The following ADAMTSL1 variants were observed in gnomAD, a reference collection of about 807,000 sequenced individuals.
ADAMTSL1 encodes ADAMTS like 1, also known as ADAMTS-like protein 1.
ADAMTSL1 carries 126 observed loss-of-function variants against 201.8 expected under a neutral mutation model. The ratio of observed to expected loss-of-function variants is 0.62; its 90% CI spans 0.54 to 0.72. The LOEUF (loss-of-function observed/expected upper bound fraction) is 0.72. Among genes scored for constraint, ADAMTSL1 ranks in the 30% least tolerant of loss-of-function variants. ADAMTSL1 has a pLI of 0.00. For synonymous variants in ADAMTSL1, 1,121 were observed against 903.4 expected (o/e 1.24, Z -4.32); for missense variants, 2,679 against 2,277.8 (o/e 1.18, Z -3.59).
intron 1 of ADAMTSL1, among the ~76,000 whole-genome samples, chr9:17,976,007 T>G (rs1051972076): frequency 2.0e-5 from 3 of 152,130 alleles, no homozygotes; most frequent in Non-Finnish European, 4.4e-5. Context: ...TCTTGGCAAC[T>G]TTGTTGAAGA....
At chr9:18,290,960 T>A (rs1208826134) in intron 2 of ADAMTSL1, among the ~76,000 whole-genome samples, 1 of 152,036 alleles carries the variant, frequency 6.6e-6, no homozygotes, top group Non-Finnish European at 1.5e-5. Flanking sequence ...TTTTTGTATA[T>A]TTAGTAGAGT....
At chr9:18,199,816 A>C (rs567523285) in intron 2 of ADAMTSL1, among the ~76,000 whole-genome samples, 2 of 152,272 alleles carry the variant, frequency 1.3e-5, no homozygotes, top group African/African-American at 2.4e-5. Context: ...TGTGTGTGCT[A>C]AGTAAGGATC....
chr9:18,647,931 C>T (rs1182286426), intron 7 of ADAMTSL1, among the ~76,000 whole-genome samples: 1 of 149,964 alleles, frequency 6.7e-6, no homozygotes, highest in African/African-American at 2.4e-5. Flanking sequence ...AGTTCAATTC[C>T]TGGGTATCCT....
Position 18,279,012 on chromosome 9 carries a change from T to C in ADAMTSL1, c.207+115031T>C, listed in dbSNP as rs558175427. 2.6e-5 allele frequency among the ~76,000 whole-genome samples: 4 copies of C among 152,282 alleles called. No homozygotes were observed. The East Asian group carries it at 7.7e-4, about 29-fold the overall frequency. ...TGTTATGTAGTGCTAGAATTTTTGTTTGGTTCTTTTTATGATTTCTCCCTC... is the reference window on the plus strand; with the variant it reads ...TGTTATGTAGTGCTAGAATTTTTGTCTGGTTCTTTTTATGATTTCTCCCTC... On this transcript the variant is annotated intron_variant, in intron 2 of 29. Coordinates refer to the ADAMTSL1 transcript ENST00000680146.
chr9:18,169,513 G>A (rs1563781518), intron 2 of ADAMTSL1, among the ~76,000 whole-genome samples: 1 of 152,146 alleles, frequency 6.6e-6, no homozygotes, highest in Non-Finnish European at 1.5e-5. Context: ...GTACCATGCT[G>A]TTTTGGTTAC....
chr9:18,511,316 T>A (rs1385455103), intron 2 of ADAMTSL1, among the ~76,000 whole-genome samples: 1 of 151,628 alleles, frequency 6.6e-6, no homozygotes, highest in African/African-American at 2.4e-5. Context: ...ACAAATATTA[T>A]GTTAAATCTT....
chr9:17,911,073 G>A lies in ADAMTSL1; in HGVS notation c.87+4151G>A, dbSNP rs904650722. Among the ~76,000 whole-genome samples, 65 of 68,500 alleles carry A rather than the reference G, an allele frequency of 9.5e-4. 27 individuals are homozygous for A. The highest frequency in any genetic ancestry group is 2.3e-3 in the Admixed American group (13 of 5,698). 44.9% of individuals were successfully genotyped at this position (68,500 alleles called of 152,430 possible). On this transcript the variant is annotated intron_variant, in intron 1 of 29. Coordinates refer to the ADAMTSL1 transcript ENST00000680146. ...AGCTATATTCTCCAAATAGTCCAAA[G>A]AACAATTTTAATGCCAATAAAAATT... is the stretch of plus-strand genomic sequence containing the variant.
At chr9:18,830,257 A>C (rs1824891854) in intron 23 of ADAMTSL1, among the ~76,000 whole-genome samples, 1 of 152,286 alleles carries the variant, frequency 6.6e-6, no homozygotes, top group Admixed American at 6.5e-5. Context: ...CCTCTCAATC[A>C]GATTGACTCT....
intron 1 of ADAMTSL1, among the ~76,000 whole-genome samples, chr9:18,088,358 A>G (rs1221893065): frequency 6.6e-6 from 1 of 152,220 alleles, no homozygotes; most frequent in East Asian, 1.9e-4. Flanking sequence ...TGGATAAGAT[A>G]CTAAATGCAC....
chr9:18,894,449 T>A (rs1588330957), intron 26 of ADAMTSL1, among the ~76,000 whole-genome samples: 1 of 149,542 alleles, frequency 6.7e-6, no homozygotes, highest in African/African-American at 2.5e-5. Context: ...TGAGCAATTA[T>A]GGTGATGAGA....
At chr9:18,414,130 G>A (rs1262770788) in intron 2 of ADAMTSL1, among the ~76,000 whole-genome samples, 3 of 152,078 alleles carry the variant, frequency 2.0e-5, no homozygotes, top group Non-Finnish European at 2.9e-5. Context: ...GTGTAATAAC[G>A]TCTCTAAGGC....
intron 2 of ADAMTSL1, among the ~76,000 whole-genome samples, chr9:18,256,062 G>A (rs1211855145): frequency 1.3e-5 from 2 of 152,192 alleles, no homozygotes; most frequent in African/African-American, 4.8e-5. Flanking sequence ...CAACCGAAAA[G>A]CATAATTTCT....
chr9:18,151,828 T>A (rs1433003798), intron 1 of ADAMTSL1, among the ~76,000 whole-genome samples: 1 of 151,924 alleles, frequency 6.6e-6, no homozygotes, highest in Non-Finnish European at 1.5e-5. Context: ...AAAAATGAGG[T>A]GCCAGGAGTT....
chr9:18,586,824 T>C (rs1823523201), intron 4 of ADAMTSL1, among the ~76,000 whole-genome samples: 1 of 152,048 alleles, frequency 6.6e-6, no homozygotes, highest in South Asian at 2.1e-4. Context: ...TTGACAAAGA[T>C]GACAAACACA....
chr9:18,270,891 A>G (rs1563848445), intron 2 of ADAMTSL1, among the ~76,000 whole-genome samples: 1 of 152,156 alleles, frequency 6.6e-6, no homozygotes, highest in Non-Finnish European at 1.5e-5. Flanking sequence ...CATCTTTTGC[A>G]TAGTCTCTTT....
chr9:17,967,206 G>A (rs1373743894), intron 1 of ADAMTSL1, among the ~76,000 whole-genome samples: 1 of 152,096 alleles, frequency 6.6e-6, no homozygotes, highest in African/African-American at 2.4e-5. Flanking sequence ...TTCATTCTTA[G>A]AGTTGGAATG....
intron 2 of ADAMTSL1, among the ~76,000 whole-genome samples, chr9:18,352,699 C>T: frequency 6.6e-6 from 1 of 152,266 alleles, no homozygotes; most frequent in Non-Finnish European, 1.5e-5. Flanking sequence ...TTATTCCCTA[C>T]AGAAAACCAT....
At chr9:18,492,057 T>C (rs1822295446) in intron 1 of ADAMTSL1, among the ~76,000 whole-genome samples, 4 of 152,200 alleles carry the variant, frequency 2.6e-5, no homozygotes, top group Admixed American at 2.6e-4. Context: ...AAGACAATAG[T>C]AACTGACTCT....
At chr9:18,835,926 T>C (rs1825284515) in intron 23 of ADAMTSL1, among the ~76,000 whole-genome samples, 2 of 152,218 alleles carry the variant, frequency 1.3e-5, no homozygotes, top group Non-Finnish European at 2.9e-5. Context: ...CCTAGGTTGA[T>C]TCCATGTCTT....
Sources: gnomAD v4.1 joint callset for allele counts (sites outside exome capture counted in the v4.1 genomes callset) on GRCh38, gnomAD v4.1.1 for gene constraint, MANE v1.5 for transcripts, NCBI Gene and HGNC (gene_info 2026-07-23, HGNC 2026-07-21) for gene names.